AGBL1: variants seen among roughly 807,000 people sequenced by gnomAD.
AGBL1 encodes AGBL carboxypeptidase 1.
In AGBL1, 130 loss-of-function variants were observed where a neutral mutation model predicts 118.9. That is an observed-to-expected ratio of 1.09 (90% confidence interval 0.95 to 1.26). The LOEUF is 1.26. AGBL1 is among the 50% of genes most tolerant of loss of function. The pLI is 0.00. For synonymous variants in AGBL1, 555 were observed against 478.9 expected (o/e 1.16, Z -2.08); for missense variants, 1,584 against 1,298.1 (o/e 1.22, Z -3.38).
chr15:86,895,624 G>A (rs74027153), intron 22 of AGBL1, among the ~76,000 whole-genome samples: 1,822 of 150,424 alleles, frequency 0.012, 41 homozygotes, highest in African/African-American at 0.043. Flanking sequence ...TTTCTGCCTC[G>A]CTTTAACATT....
intron 23 of AGBL1, among the ~76,000 whole-genome samples, chr15:86,925,532 T>G (rs1756464122): frequency 6.6e-6 from 1 of 152,044 alleles, no homozygotes; most frequent in East Asian, 1.9e-4. Context: ...GTGCTCTCCT[T>G]TATATCTCAG....
chr15:86,271,042 C>CCTTT (rs1567169858), intron 14 of AGBL1, among the ~76,000 whole-genome samples: 1 of 66,694 alleles, frequency 1.5e-5, no homozygotes, highest in Non-Finnish European at 2.7e-5. Flanking sequence ...AGTCACGTTG[C>CCTTT]ATTTTTTTTT....
chr15:86,469,428 G>A (rs562303712), intron 18 of AGBL1, among the ~76,000 whole-genome samples: 5 of 152,268 alleles, frequency 3.3e-5, no homozygotes, highest in African/African-American at 7.2e-5. Context: ...CTAAGGATGA[G>A]TACTATTTCA....
intron 22 of AGBL1, among the ~76,000 whole-genome samples, chr15:86,804,192 G>C (rs2078688421): frequency 6.6e-6 from 1 of 152,108 alleles, no homozygotes; most frequent in Non-Finnish European, 1.5e-5. Context: ...AATTTCATTG[G>C]AATTCATTTA....
chr15:86,674,273 G>C lies in AGBL1; in HGVS notation c.2995G>C (p.Gly999Arg), dbSNP rs778758541. The C allele has an allele frequency of 8.7e-5, 140 of 1,608,700 alleles. 2 individuals are homozygous for C. In the South Asian group the frequency reaches 1.1e-3, roughly 13 times the overall value. The change falls in exon 22 of 23, where the codon GGT becomes CGT. Residue 999 changes from glycine to arginine, a missense_variant and splice_region_variant. Coordinates refer to ENST00000614907, the MANE Select transcript of AGBL1 (RefSeq NM_001386094.1). ...AGTTAATGCTTTGTTTAACTGGCAG[G>C]GTCTACAGTTTGGTACCAGAGAACT... Reference protein sequence around the residue: ...YCGCNQGPYQGLQFGTRELEE... With the variant: ...YCGCNQGPYQRLQFGTRELEE...
chr15:86,862,185 C>T (rs2079568514), intron 22 of AGBL1, among the ~76,000 whole-genome samples: 1 of 152,116 alleles, frequency 6.6e-6, no homozygotes, highest in Non-Finnish European at 1.5e-5. Context: ...AGAGTAACTG[C>T]TTGAGGAATG....
intron 5 of AGBL1, among the ~76,000 whole-genome samples, chr15:86,212,670 G>A (rs2078119064): frequency 6.6e-6 from 1 of 151,962 alleles, no homozygotes; most frequent in South Asian, 2.1e-4. Flanking sequence ...TATTTTTTGG[G>A]ACAGAGTCTC....
intron 17 of AGBL1, among the ~76,000 whole-genome samples, chr15:86,325,790 G>A (rs115925307): frequency 1.3e-5 from 2 of 152,268 alleles, no homozygotes; most frequent in Admixed American, 6.5e-5. Flanking sequence ...TTTTTCCAAC[G>A]GGTCACATAG....
intron 18 of AGBL1, among the ~76,000 whole-genome samples, chr15:86,446,644 G>A (rs561724636): frequency 6.6e-6 from 1 of 152,270 alleles, no homozygotes; most frequent in South Asian, 2.1e-4. Context: ...GATGGGGCCA[G>A]GGTACCCAGG....
At chr15:86,277,308 GTGTGTGTGTA>G (rs1349411022) in intron 15 of AGBL1, among the ~76,000 whole-genome samples, 16 of 114,458 alleles carry the variant, frequency 1.4e-4, no homozygotes, top group Non-Finnish European at 2.1e-4. Flanking sequence ...GTGTGCATGT[GTGTGTGTGTA>G]TGTGTGTGTG....
chr15:86,450,270 G>A (rs1327925031), intron 18 of AGBL1, among the ~76,000 whole-genome samples: 2 of 152,220 alleles, frequency 1.3e-5, no homozygotes, highest in African/African-American at 4.8e-5. Flanking sequence ...TCCCAGGAGA[G>A]GTTTATGTTT....
chr15:86,121,320 C>G (rs1355166141), intron 1 of AGBL1, among the ~76,000 whole-genome samples: 1 of 152,042 alleles, frequency 6.6e-6, no homozygotes, highest in Non-Finnish European at 1.5e-5. Flanking sequence ...ATCTACTTTC[C>G]CAGATATTTT....
At chr15:86,780,939 A>T (rs1003118158) in intron 22 of AGBL1, among the ~76,000 whole-genome samples, 2 of 152,150 alleles carry the variant, frequency 1.3e-5, no homozygotes, top group Non-Finnish European at 2.9e-5. Flanking sequence ...AAGTGCTAGG[A>T]TTACAGGCAT....
At chr15:87,009,851 A>G (rs940894257) in intron 24 of AGBL1, among the ~76,000 whole-genome samples, 7 of 152,162 alleles carry the variant, frequency 4.6e-5, no homozygotes, top group African/African-American at 1.4e-4. Flanking sequence ...ATTTTGGCCA[A>G]TTTCTCTCAT....
intron 21 of AGBL1, among the ~76,000 whole-genome samples, chr15:86,583,265 G>T (rs2142335932): frequency 6.6e-6 from 1 of 152,008 alleles, no homozygotes; most frequent in African/African-American, 2.4e-5. Context: ...TGCCACCAAG[G>T]TACTGGTACC....
intron 22 of AGBL1, among the ~76,000 whole-genome samples, chr15:86,834,538 C>A (rs2141422738): frequency 6.6e-6 from 1 of 152,292 alleles, no homozygotes; most frequent in Non-Finnish European, 1.5e-5. Context: ...AGAAGTACCT[C>A]TGTATTGTGA....
intron 5 of AGBL1, among the ~76,000 whole-genome samples, chr15:86,162,735 G>T (rs776481958): frequency 6.6e-6 from 1 of 152,214 alleles, no homozygotes; most frequent in Non-Finnish European, 1.5e-5. Flanking sequence ...TCAGGAATGT[G>T]CCTCAGCTTC....
At chr15:86,318,092 T>A (rs1027938141) in intron 17 of AGBL1, among the ~76,000 whole-genome samples, 1 of 152,200 alleles carries the variant, frequency 6.6e-6, no homozygotes, top group African/African-American at 2.4e-5. Context: ...AGTGCATGAA[T>A]GTCTGTCATC....
chr15:86,946,158 T>A (rs1222577896), intron 23 of AGBL1: 1 of 152,224 alleles, frequency 6.6e-6, no homozygotes, highest in Non-Finnish European at 1.5e-5. Flanking sequence ...GGGTCACTAA[T>A]TATGATGCAA....
Sources: allele counts gnomAD v4.1 joint callset (sites outside exome capture counted in the v4.1 genomes callset), GRCh38; gene constraint gnomAD v4.1.1; transcripts MANE v1.5; gene names NCBI Gene and HGNC (gene_info 2026-07-23, HGNC 2026-07-21).